The following KIAA1217 variants were observed in gnomAD, a reference collection of about 807,000 sequenced individuals.
KIAA1217 encodes the protein sickle tail protein homolog.
In KIAA1217, 88 loss-of-function variants were observed where a neutral mutation model predicts 163.9. The ratio of observed to expected loss-of-function variants is 0.54; its 90% CI spans 0.45 to 0.64. The LOEUF is 0.64. Ranked by LOEUF, KIAA1217 falls within the 30% of genes least tolerant of loss-of-function variation. KIAA1217 has a pLI of 0.00. For missense variants in KIAA1217, 2,372 were observed against 2,475.0 expected (o/e 0.96, Z 0.88); for synonymous variants, 903 against 923.1 (o/e 0.98, Z 0.39).
intron 6 of KIAA1217, among the ~76,000 whole-genome samples, chr10:24,486,666 GACAGCACA>G (rs2065441132): frequency 6.6e-6 from 1 of 152,084 alleles, no homozygotes; most frequent in Non-Finnish European, 1.5e-5. Flanking sequence ...TCCTCCTCCA[GACAGCACA>G]CATGGCCTGC....
intron 2 of KIAA1217, among the ~76,000 whole-genome samples, chr10:24,298,706 G>A (rs2132643026): frequency 6.6e-6 from 1 of 152,288 alleles, no homozygotes; most frequent in South Asian, 2.1e-4. Context: ...GCTGAGGCAG[G>A]AGAATCACTT....
At position 24,269,156 on chromosome 10, in the gene KIAA1217, A is replaced by G. The variant is rs1412832237; in HGVS notation, c.354+49247A>G. On this transcript the variant is annotated intron_variant, in intron 2 of 20. Transcript: ENST00000376454. ...GCGCACCAGCATGGCACATGTATAC[A>G]TATGTAACTAACCTGCACAATGTGC... 3.4e-5 allele frequency among the ~76,000 whole-genome samples: 5 copies of G among 147,672 alleles called. 1 individual carries two copies. The highest frequency in any genetic ancestry group is 2.0e-4 in the East Asian group (1 of 5,006).
At chr10:24,294,697 A>G (rs745695250) in intron 2 of KIAA1217, among the ~76,000 whole-genome samples, 63 of 152,172 alleles carry the variant, frequency 4.1e-4, no homozygotes, top group Non-Finnish European at 7.8e-4. Context: ...TTTAATTAGG[A>G]TTTAGAAAGG....
At chr10:24,375,540 A>C (rs2052362661) in intron 2 of KIAA1217, among the ~76,000 whole-genome samples, 1 of 152,234 alleles carries the variant, frequency 6.6e-6, no homozygotes, top group African/African-American at 2.4e-5. Flanking sequence ...TAGCAACTAG[A>C]ATGTTCTCTT....
intron 1 of KIAA1217, among the ~76,000 whole-genome samples, chr10:23,848,155 G>A (rs1839131955): frequency 1.3e-5 from 2 of 152,076 alleles, no homozygotes; most frequent in African/African-American, 4.8e-5. Flanking sequence ...TTTAGAATAA[G>A]TGTGATGAGG....
At chr10:24,233,279 G>C (rs145169958) in intron 2 of KIAA1217, among the ~76,000 whole-genome samples, 173 of 152,260 alleles carry the variant, frequency 1.1e-3, no homozygotes, top group Non-Finnish European at 1.9e-3. Flanking sequence ...GAGGTGCCAG[G>C]CTCTTTTTAA....
chr10:24,452,807 A>G (rs181822699), intron 5 of KIAA1217, among the ~76,000 whole-genome samples: 12 of 152,144 alleles, frequency 7.9e-5, no homozygotes, highest in Admixed American at 6.5e-4. Context: ...GAAATGTTGT[A>G]ACACAAAGGA....
chr10:24,351,636 CG>C (rs2048474362), intron 2 of KIAA1217, among the ~76,000 whole-genome samples: 1 of 152,116 alleles, frequency 6.6e-6, no homozygotes, highest in African/African-American at 2.4e-5. Context: ...GTTTTGCACC[CG>C]TTTTTTTCGT....
intron 3 of KIAA1217, among the ~76,000 whole-genome samples, chr10:24,391,386 C>A (rs1223008478): frequency 7.8e-6 from 1 of 128,320 alleles, no homozygotes; most frequent in African/African-American, 3.1e-5. Flanking sequence ...GCTCTTGTCA[C>A]CCAGGCTGGA....
chr10:24,305,973 A>T (rs1035086713), intron 2 of KIAA1217, among the ~76,000 whole-genome samples: 1 of 152,164 alleles, frequency 6.6e-6, no homozygotes, highest in Non-Finnish European at 1.5e-5. Flanking sequence ...CCATGCTGGG[A>T]TTGAGTCTCT....
At chr10:24,313,367 GGA>G (rs1337910033) in intron 2 of KIAA1217, among the ~76,000 whole-genome samples, 2 of 152,180 alleles carry the variant, frequency 1.3e-5, no homozygotes, top group Non-Finnish European at 2.9e-5. Flanking sequence ...GTAGGCTTGA[GGA>G]GAGTAGCCTG....
chr10:24,542,446 A>G, intron 17 of KIAA1217: 1 of 1,284,158 alleles, frequency 7.8e-7, no homozygotes, highest in Non-Finnish European at 1.0e-6. Flanking sequence ...CCACTCCCCT[A>G]CAAAATTTTA....
intron 2 of KIAA1217, among the ~76,000 whole-genome samples, chr10:24,120,252 A>G (rs2063228749): frequency 6.6e-6 from 1 of 152,200 alleles, no homozygotes; most frequent in African/African-American, 2.4e-5. Flanking sequence ...CCAAGGGTAA[A>G]GTCCCACTGT....
At chr10:24,407,828 G>A (rs565064649) in intron 3 of KIAA1217, among the ~76,000 whole-genome samples, 3 of 152,164 alleles carry the variant, frequency 2.0e-5, no homozygotes, top group South Asian at 4.2e-4. Context: ...TTATCCAGGC[G>A]GACCCGTGAA....
intron 8 of KIAA1217, among the ~76,000 whole-genome samples, chr10:24,500,080 C>T (rs1397899996): frequency 6.6e-6 from 1 of 152,168 alleles, no homozygotes; most frequent in African/African-American, 2.4e-5. Flanking sequence ...CAGGGTACCA[C>T]CACACTATAG....
chr10:23,788,458 C>T (rs1293006550), intron 1 of KIAA1217, among the ~76,000 whole-genome samples: 1 of 152,152 alleles, frequency 6.6e-6, no homozygotes, highest in Non-Finnish European at 1.5e-5. Context: ...CAGTACCATT[C>T]TCCAGATGCC....
intron 13 of KIAA1217, among the ~76,000 whole-genome samples, chr10:24,525,689 T>C (rs373032711): frequency 5.3e-5 from 8 of 152,126 alleles, no homozygotes; most frequent in African/African-American, 1.9e-4. Flanking sequence ...AACTAGGTCT[T>C]AAGACCAAAT....
At chr10:24,444,184 T>A (rs901981393) in intron 5 of KIAA1217, among the ~76,000 whole-genome samples, 1 of 152,092 alleles carries the variant, frequency 6.6e-6, no homozygotes, top group Admixed American at 6.5e-5. Flanking sequence ...CACATTTTTG[T>A]ATTTTTTACT....
chr10:24,136,325 G>T (rs139129873), intron 2 of KIAA1217, among the ~76,000 whole-genome samples: 55 of 152,150 alleles, frequency 3.6e-4, no homozygotes, highest in African/African-American at 1.2e-3. Context: ...CAGAAGTCTC[G>T]ATTTCTAAAG....
Sources: allele counts gnomAD v4.1 joint callset (sites outside exome capture counted in the v4.1 genomes callset), GRCh38; gene constraint gnomAD v4.1.1; transcripts MANE v1.5; gene names NCBI Gene and HGNC (gene_info 2026-07-23, HGNC 2026-07-21).